Variants in CENPP observed in about 807,000 individuals in gnomAD.
The protein encoded by CENPP is centromere protein P.
Under a neutral mutation model 35.6 loss-of-function variants are expected in CENPP, and 24 were observed. The observed-to-expected ratio is 0.67, with a 90% CI of 0.49 to 0.95. The LOEUF (loss-of-function observed/expected upper bound fraction) is 0.95. Among genes scored for constraint, CENPP ranks in the 40% least tolerant of loss-of-function variants. CENPP has a pLI of 0.00. For missense variants in CENPP, 332 were observed against 345.3 expected, an observed-to-expected ratio of 0.96 and a Z score of 0.31; for synonymous variants, 120 against 125.5, an observed-to-expected ratio of 0.96 and a Z score of 0.29.
chr9:92,607,448 G>A (rs1851113452), intron 5 of CENPP, among the ~76,000 whole-genome samples: 1 of 152,126 alleles, frequency 6.6e-6, no homozygotes, highest in Non-Finnish European at 1.5e-5. Flanking sequence ...ATAGCTAAAG[G>A]GTACATTTAG....
chr9:92,551,323 C>G (rs1441243203), intron 5 of CENPP, among the ~76,000 whole-genome samples: 1 of 151,972 alleles, frequency 6.6e-6, no homozygotes, highest in African/African-American at 2.4e-5. Context: ...TAGCATACTT[C>G]CCCAAAATGA....
intron 5 of CENPP, chr9:92,536,205 G>A (rs1393395418): frequency 2.8e-6 from 1 of 359,892 alleles, no homozygotes; most frequent in Non-Finnish European, 5.2e-6. Flanking sequence ...GTAGAAAACA[G>A]CAGTGGGTGT....
intron 5 of CENPP, among the ~76,000 whole-genome samples, chr9:92,452,740 T>A (rs1261737158): frequency 5.9e-5 from 9 of 152,210 alleles, no homozygotes; most frequent in Non-Finnish European, 1.0e-4. Flanking sequence ...GGACTCTTTT[T>A]GGTTGGTAAG....
chr9:92,527,851 C>T (rs1848510200), intron 5 of CENPP: 1 of 154,082 alleles, frequency 6.5e-6, no homozygotes, highest in African/African-American at 2.4e-5. Flanking sequence ...TTACATTCTG[C>T]ATACAGTATA....
At chr9:92,442,160 G>A (rs1844408454) in intron 5 of CENPP, among the ~76,000 whole-genome samples, 1 of 151,524 alleles carries the variant, frequency 6.6e-6, no homozygotes, top group Non-Finnish European at 1.5e-5. Flanking sequence ...AACTGTGGGA[G>A]GCCAAGGCGG....
intron 4 of CENPP, among the ~76,000 whole-genome samples, chr9:92,362,034 A>AATAAG (rs778428722): frequency 1.3e-5 from 2 of 152,124 alleles, no homozygotes; most frequent in African/African-American, 4.8e-5. Context: ...CATAAAATAA[A>AATAAG]ATAAGATAAG....
At chr9:92,334,809 G>T (rs1840871334) in intron 2 of CENPP, among the ~76,000 whole-genome samples, 1 of 151,026 alleles carries the variant, frequency 6.6e-6, no homozygotes, top group Non-Finnish European at 1.5e-5. Flanking sequence ...GAAGCTGGGA[G>T]GCGGAGGTTG....
intron 5 of CENPP, among the ~76,000 whole-genome samples, chr9:92,566,095 G>A (rs964498400): frequency 1.3e-5 from 2 of 151,996 alleles, no homozygotes; most frequent in African/African-American, 2.4e-5. Flanking sequence ...GAGGTCAGGA[G>A]TTTGAGACCA....
intron 5 of CENPP, chr9:92,505,533 C>A (rs373635817): frequency 8.8e-6 from 14 of 1,588,170 alleles, no homozygotes; most frequent in Non-Finnish European, 1.2e-5. Flanking sequence ...ATATTGTTAC[C>A]TCAATAGAAC....
intron 5 of CENPP, among the ~76,000 whole-genome samples, chr9:92,533,328 A>AATATATATATATATATAT (rs202147064): frequency 2.6e-4 from 10 of 38,332 alleles, no homozygotes; most frequent in East Asian, 7.4e-4. Context: ...AAAAAAAAAA[A>AATATATATATATATATAT]ATATATATAT....
intron 5 of CENPP, among the ~76,000 whole-genome samples, chr9:92,610,051 GTGTTTGTT>G (rs796444708): frequency 6.6e-6 from 1 of 151,906 alleles, no homozygotes; most frequent in Non-Finnish European, 1.5e-5. Context: ...AAAAACACAA[GTGTTTGTT>G]TGTTTGTTTG....
chr9:92,601,647 AGCTCCATGTCAC>A (rs973190340), intron 5 of CENPP, among the ~76,000 whole-genome samples: 2 of 152,228 alleles, frequency 1.3e-5, no homozygotes, highest in African/African-American at 4.8e-5. Context: ...GCGTTGTGTC[AGCTCCATGTCAC>A]GCTCCATGTG....
At chr9:92,495,718 T>C (rs1846312304) in intron 5 of CENPP, 1 of 918,708 alleles carries the variant, frequency 1.1e-6, no homozygotes, top group South Asian at 5.0e-5. Flanking sequence ...CATAATATGA[T>C]TTTCAAAACC....
At chr9:92,470,569 A>G in intron 5 of CENPP, 2 of 602,870 alleles carry the variant, frequency 3.3e-6, no homozygotes, top group Non-Finnish European at 5.3e-6. Flanking sequence ...TCTTTACAGA[A>G]AAGTAAGACT....
At chr9:92,572,546 T>C (rs1850170342) in intron 5 of CENPP, among the ~76,000 whole-genome samples, 1 of 152,206 alleles carries the variant, frequency 6.6e-6, no homozygotes, top group South Asian at 2.1e-4. Flanking sequence ...TCAGCTTTGG[T>C]GAATCTGACA....
At chr9:92,610,017 G>T (rs1037298860) in intron 5 of CENPP, among the ~76,000 whole-genome samples, 1 of 151,896 alleles carries the variant, frequency 6.6e-6, no homozygotes, top group African/African-American at 2.4e-5. Flanking sequence ...GATTACAGGC[G>T]TGAGCCACCC....
At chr9:92,363,929 A>C (rs1205205593) in intron 4 of CENPP, among the ~76,000 whole-genome samples, 1 of 151,452 alleles carries the variant, frequency 6.6e-6, no homozygotes, top group Non-Finnish European at 1.5e-5. Context: ...GCTCACTGCA[A>C]CCTCCACCTC....
intron 5 of CENPP, among the ~76,000 whole-genome samples, chr9:92,429,592 G>C (rs1844052160): frequency 6.6e-6 from 1 of 152,136 alleles, no homozygotes; most frequent in African/African-American, 2.4e-5. Flanking sequence ...TTCCAGACTA[G>C]TCTGGCCAAC....
intron 2 of CENPP, among the ~76,000 whole-genome samples, chr9:92,335,615 T>G (rs930924977): frequency 1.1e-4 from 16 of 152,120 alleles, no homozygotes; most frequent in African/African-American, 3.4e-4. Flanking sequence ...GATGTTCAGT[T>G]GATCCAGCAC....
Sources: gnomAD v4.1 joint callset for allele counts (sites outside exome capture counted in the v4.1 genomes callset) on GRCh38, gnomAD v4.1.1 for gene constraint, MANE v1.5 for transcripts, NCBI Gene and HGNC (gene_info 2026-07-23, HGNC 2026-07-21) for gene names.